Variants in SLC16A7 observed in about 807,000 individuals in gnomAD.
The protein encoded by SLC16A7 is monocarboxylate transporter 2.
SLC16A7 carries 33 observed loss-of-function variants against 34.9 expected under a neutral mutation model. The ratio of observed to expected loss-of-function variants is 0.94; its 90% CI spans 0.72 to 1.26. The LOEUF is 1.26. SLC16A7 is among the 50% of genes most tolerant of loss of function. SLC16A7 has a pLI of 0.00. For synonymous variants in SLC16A7, 201 were observed against 206.6 expected, an observed-to-expected ratio of 0.97 and a Z score of 0.23; for missense variants, 573 against 578.1, an observed-to-expected ratio of 0.99 and a Z score of 0.09.
chr12:59,664,415 T>TGATC (rs1183372989), intron 2 of SLC16A7, among the ~76,000 whole-genome samples: 1 of 152,048 alleles, frequency 6.6e-6, no homozygotes, highest in East Asian at 1.9e-4. Flanking sequence ...GTGTTATGTG[T>TGATC]GATCAAGAAA....
At chr12:59,733,938 A>G (rs1396332622) in intron 3 of SLC16A7, 1 of 417,116 alleles carries the variant, frequency 2.4e-6, no homozygotes, top group African/African-American at 2.0e-5. Flanking sequence ...TGAGTCTGGC[A>G]GAGTCTGGGG....
intron 2 of SLC16A7, among the ~76,000 whole-genome samples, chr12:59,684,242 T>G (rs1179040580): frequency 6.6e-6 from 1 of 152,148 alleles, no homozygotes; most frequent in Non-Finnish European, 1.5e-5. Context: ...TAGAAAAGAC[T>G]GATAAAAATA....
At chr12:59,663,814 T>C (rs1384395984) in intron 2 of SLC16A7, among the ~76,000 whole-genome samples, 1 of 152,144 alleles carries the variant, frequency 6.6e-6, no homozygotes, top group African/African-American at 2.4e-5. Context: ...TTTGGTTAAG[T>C]AAATTAGATA....
chr12:59,665,116 C>A (rs1218038353), intron 2 of SLC16A7, among the ~76,000 whole-genome samples: 1 of 151,848 alleles, frequency 6.6e-6, no homozygotes, highest in African/African-American at 2.4e-5. Flanking sequence ...TTGAAGTACA[C>A]CAAGTTAAGG....
chr12:59,682,511 C>T (rs371957606), intron 2 of SLC16A7, among the ~76,000 whole-genome samples: 3 of 151,930 alleles, frequency 2.0e-5, no homozygotes, highest in Non-Finnish European at 4.4e-5. Flanking sequence ...TGGAAAGAGA[C>T]ATGAATAATT....
chr12:59,749,229 C>T (rs1201191006), intron 3 of SLC16A7, among the ~76,000 whole-genome samples: 1 of 152,180 alleles, frequency 6.6e-6, no homozygotes, highest in Non-Finnish European at 1.5e-5. Context: ...CCCTTATCTA[C>T]AAAGGCGATA....
At chr12:59,752,661 A>T (rs1879727273) in intron 3 of SLC16A7, among the ~76,000 whole-genome samples, 1 of 152,188 alleles carries the variant, frequency 6.6e-6, no homozygotes, top group South Asian at 2.1e-4. Flanking sequence ...AGAGAATGGA[A>T]CCAAGTTGGA....
intron 3 of SLC16A7, among the ~76,000 whole-genome samples, chr12:59,737,744 A>G (rs1877764896): frequency 6.6e-6 from 1 of 152,190 alleles, no homozygotes; most frequent in East Asian, 1.9e-4. Context: ...CCTAGCTCTG[A>G]ACCAGTGTTC....
At chr12:59,668,238 T>C (rs112563346) in intron 2 of SLC16A7, among the ~76,000 whole-genome samples, 27 of 152,232 alleles carry the variant, frequency 1.8e-4, no homozygotes, top group African/African-American at 6.0e-4. Flanking sequence ...GACTGCAGAA[T>C]GGTAGATCCA....
chr12:59,747,693 G>A (rs1482972625), intron 3 of SLC16A7, among the ~76,000 whole-genome samples: 1 of 152,202 alleles, frequency 6.6e-6, no homozygotes, highest in Non-Finnish European at 1.5e-5. Context: ...AATTATTTGA[G>A]CAGTTCTTTC....
At chr12:59,676,657 A>AT (rs936139465) in intron 2 of SLC16A7, among the ~76,000 whole-genome samples, 5 of 152,100 alleles carry the variant, frequency 3.3e-5, no homozygotes, top group African/African-American at 1.2e-4. Flanking sequence ...ATAATGTTTA[A>AT]TTTTTTAAGA....
intron 3 of SLC16A7, among the ~76,000 whole-genome samples, chr12:59,757,719 G>A (rs1013832367): frequency 6.6e-6 from 1 of 151,934 alleles, no homozygotes; most frequent in African/African-American, 2.4e-5. Context: ...CCCTGAGTCA[G>A]CCAGACCAAC....
At chr12:59,664,231 A>G (rs751724018) in intron 2 of SLC16A7, among the ~76,000 whole-genome samples, 3 of 152,158 alleles carry the variant, frequency 2.0e-5, no homozygotes, top group African/African-American at 4.8e-5. Context: ...ATGCTTACCT[A>G]GAATATGAGA....
chr12:59,730,226 A>C (rs557590607), intron 3 of SLC16A7, among the ~76,000 whole-genome samples: 1 of 147,480 alleles, frequency 6.8e-6, no homozygotes, highest in South Asian at 2.2e-4. Flanking sequence ...AAAAAAAAAC[A>C]CTTCTGACTC....
chr12:59,727,169 T>TATATAA (rs1555174541), intron 3 of SLC16A7, among the ~76,000 whole-genome samples: 1 of 131,764 alleles, frequency 7.6e-6, no homozygotes, highest in African/African-American at 3.1e-5. Flanking sequence ...TATATATATA[T>TATATAA]AATATATATA....
At position 59,632,193 on chromosome 12, in the gene SLC16A7, A is replaced by G. The variant is rs201515667; in HGVS notation, c.-129-22959A>G. On this transcript the variant is annotated intron_variant, in intron 1 of 5. Transcript: ENST00000547379. ...AATTAATTTAACTTCATTGTATACA[A>G]TGTAAATAGGAATAAAGAAGATTAA... 2.9e-4 allele frequency among the ~76,000 whole-genome samples: 44 copies of G among 152,106 alleles called. No homozygotes were observed. The South Asian group carries it at 7.9e-3, about 27-fold the overall frequency.
At chr12:59,658,205 G>A (rs1249325946) in intron 2 of SLC16A7, among the ~76,000 whole-genome samples, 4 of 152,028 alleles carry the variant, frequency 2.6e-5, no homozygotes, top group South Asian at 2.1e-4. Context: ...CCTCAAATAC[G>A]TGTGGTATCT....
intron 1 of SLC16A7, among the ~76,000 whole-genome samples, chr12:59,650,746 G>A (rs543635619): frequency 2.8e-4 from 43 of 152,204 alleles, no homozygotes; most frequent in African/African-American, 9.6e-4. Context: ...TGGGAAGGGT[G>A]GACTCCATGC....
chr12:59,628,048 C>T (rs1322712293), intron 1 of SLC16A7, among the ~76,000 whole-genome samples: 1 of 151,730 alleles, frequency 6.6e-6, no homozygotes, highest in Admixed American at 6.6e-5. Flanking sequence ...CTGGGTATCT[C>T]CTTGAATCCA....
Sources: allele counts gnomAD v4.1 joint callset (sites outside exome capture counted in the v4.1 genomes callset), GRCh38; gene constraint gnomAD v4.1.1; transcripts MANE v1.5; gene names NCBI Gene and HGNC (gene_info 2026-07-23, HGNC 2026-07-21).